Variants in ARL15 observed in about 807,000 individuals in gnomAD.
ARL15 encodes the protein ADP-ribosylation factor-like protein 15.
A neutral mutation model predicts 25.2 loss-of-function variants in ARL15; 19 were observed. The observed-to-expected ratio is 0.75, with a 90% CI of 0.53 to 1.10. The LOEUF (loss-of-function observed/expected upper bound fraction) is 1.10, where lower values mean the gene tolerates loss of function less well. Among genes scored for constraint, ARL15 ranks in the 50% least tolerant of loss-of-function variants. The pLI is 0.00. For missense variants in ARL15, 220 were observed against 246.0 expected, an observed-to-expected ratio of 0.89 and a Z score of 0.71; for synonymous variants, 94 against 86.8, an observed-to-expected ratio of 1.08 and a Z score of -0.46.
intron 4 of ARL15, among the ~76,000 whole-genome samples, chr5:53,927,935 T>C (rs536475837): frequency 1.3e-5 from 2 of 152,304 alleles, no homozygotes; most frequent in African/African-American, 4.8e-5. Context: ...TTCATCTTCC[T>C]CATCTGTAAG....
rs180899843 is a variant in ARL15, at chr5:54,291,203, T to G, written c.48+19229A>C. On this transcript the variant is annotated intron_variant, in intron 1 of 4. Transcript: ENST00000504924. Reference sequence around the variant, plus strand: ...GTTTGAACCATTCAATAAGTTACTTTAGAAAACTCATCCACCCTGAACTTC... The same window carrying G: ...GTTTGAACCATTCAATAAGTTACTTGAGAAAACTCATCCACCCTGAACTTC... 1.9e-3 allele frequency among the ~76,000 whole-genome samples: 286 copies of G among 152,322 alleles called. 2 individuals are homozygous for G. The highest frequency in any genetic ancestry group is 6.2e-3 in the African/African-American group (258 of 41,584).
At chr5:53,958,089 A>T (rs868628783) in intron 4 of ARL15, among the ~76,000 whole-genome samples, 7 of 152,110 alleles carry the variant, frequency 4.6e-5, no homozygotes, top group Middle Eastern at 3.4e-3. Flanking sequence ...GGCTGCCTGT[A>T]ATCCCAGCTA....
intron 4 of ARL15, among the ~76,000 whole-genome samples, chr5:53,925,518 T>TG (rs1745991066): frequency 6.6e-6 from 1 of 152,188 alleles, no homozygotes; most frequent in Non-Finnish European, 1.5e-5. Context: ...AAGTGAGGTT[T>TG]GGGGCAGGGC....
At chr5:54,288,385 C>A (rs186552912) in intron 1 of ARL15, among the ~76,000 whole-genome samples, 2 of 152,372 alleles carry the variant, frequency 1.3e-5, no homozygotes, top group East Asian at 3.9e-4. Flanking sequence ...AGCTCTGGCA[C>A]TAATTTTGGA....
chr5:53,887,515 G>A (rs1561136277), intron 4 of ARL15: 1 of 594,490 alleles, frequency 1.7e-6, no homozygotes. Flanking sequence ...ACCAATTCCT[G>A]GCTGTGAATA....
intron 4 of ARL15, among the ~76,000 whole-genome samples, chr5:54,066,096 A>T (rs1042627108): frequency 2.0e-5 from 3 of 152,138 alleles, no homozygotes; most frequent in African/African-American, 7.2e-5. Context: ...TTTATAAGAT[A>T]AGATGTTCTC....
At position 54,248,937 on chromosome 5, in the gene ARL15, T is replaced by C. The variant is rs140119364; in HGVS notation, c.48+61495A>G. The stretch of plus-strand genomic sequence containing the variant: ...CAGACTGACGGCTGGGTGTGGTGGC[T>C]CACGCCTGTAATCCCAGCACTTTGG... On this transcript the variant is annotated intron_variant, in intron 1 of 4. Transcript: ENST00000504924. Among the ~76,000 whole-genome samples the C allele has an allele frequency of 7.9e-3, 1,205 of 152,234 alleles. 15 individuals are homozygous for C. Among genetic ancestry groups the C allele is most frequent in the Non-Finnish European group, 0.015 (1,011 of 68,008 alleles).
intron 4 of ARL15, among the ~76,000 whole-genome samples, chr5:54,001,947 C>T (rs1210853408): frequency 6.6e-6 from 1 of 152,176 alleles, no homozygotes; most frequent in African/African-American, 2.4e-5. Flanking sequence ...ATTTATATCT[C>T]ATGACTCAAA....
chr5:54,027,715 T>A (rs1749826324), intron 4 of ARL15, among the ~76,000 whole-genome samples: 1 of 152,040 alleles, frequency 6.6e-6, no homozygotes, highest in Non-Finnish European at 1.5e-5. Flanking sequence ...CGGGGAACTT[T>A]TTCTTATACC....
chr5:54,219,641 A>G (rs558200706), intron 1 of ARL15, among the ~76,000 whole-genome samples: 1 of 152,314 alleles, frequency 6.6e-6, no homozygotes, highest in African/African-American at 2.4e-5. Context: ...ATACTGGTTT[A>G]TCTGTGAGAA....
At chr5:54,275,695 T>A (rs1013687651) in intron 1 of ARL15, among the ~76,000 whole-genome samples, 13 of 151,588 alleles carry the variant, frequency 8.6e-5, no homozygotes, top group Middle Eastern at 3.4e-3. Flanking sequence ...TTATTTATTT[T>A]TTTTTTTGAG....
chr5:54,146,663 G>A (rs1239007650), intron 3 of ARL15, among the ~76,000 whole-genome samples: 1 of 152,144 alleles, frequency 6.6e-6, no homozygotes, highest in Admixed American at 6.5e-5. Context: ...AGGCAGTTTA[G>A]TAGAGCTGGA....
At chr5:54,033,667 C>G (rs1750069345) in intron 4 of ARL15, among the ~76,000 whole-genome samples, 1 of 140,118 alleles carries the variant, frequency 7.1e-6, no homozygotes, top group Non-Finnish European at 1.5e-5. Flanking sequence ...GCGAGAATTC[C>G]ATCTCAAAAA....
chr5:54,137,919 T>C (rs1753654801), intron 3 of ARL15, among the ~76,000 whole-genome samples: 1 of 151,600 alleles, frequency 6.6e-6, no homozygotes, highest in African/African-American at 2.4e-5. Context: ...GGAAATAATA[T>C]GAGGAGAACA....
At chr5:54,124,344 C>CA (rs1561232969) in intron 3 of ARL15, among the ~76,000 whole-genome samples, 11 of 152,166 alleles carry the variant, frequency 7.2e-5, no homozygotes, top group Non-Finnish European at 1.6e-4. Flanking sequence ...GCTTGTAATT[C>CA]TGACATAGGA....
At chr5:54,283,389 T>C (rs930646442) in intron 1 of ARL15, among the ~76,000 whole-genome samples, 3 of 152,350 alleles carry the variant, frequency 2.0e-5, no homozygotes, top group Non-Finnish European at 1.5e-5. Context: ...AATCAAACTC[T>C]TAGGACACTC....
intron 3 of ARL15, among the ~76,000 whole-genome samples, chr5:54,115,236 G>T (rs146801572): frequency 6.6e-6 from 1 of 152,312 alleles, no homozygotes; most frequent in Non-Finnish European, 1.5e-5. Context: ...TAGAGTACAA[G>T]AAAGTGCTGT....
chr5:54,304,696 A>G (rs1334637702), intron 1 of ARL15, among the ~76,000 whole-genome samples: 1 of 152,242 alleles, frequency 6.6e-6, no homozygotes, highest in East Asian at 1.9e-4. Context: ...TATCTTATAA[A>G]TTATTAAGAA....
chr5:53,912,050 G>A (rs1046126090), intron 4 of ARL15: 1 of 150,826 alleles, frequency 6.6e-6, no homozygotes, highest in African/African-American at 2.4e-5. Context: ...GAATTTGCAT[G>A]TCATCCTTCC....
Sources: gnomAD v4.1 joint callset for allele counts (sites outside exome capture counted in the v4.1 genomes callset) on GRCh38, gnomAD v4.1.1 for gene constraint, MANE v1.5 for transcripts, NCBI Gene and HGNC (gene_info 2026-07-23, HGNC 2026-07-21) for gene names.